ADNP2: variants seen among roughly 807,000 people sequenced by gnomAD.
The protein encoded by ADNP2 is activity-dependent neuroprotector homeobox protein 2.
In ADNP2, 8 loss-of-function variants were observed where a neutral mutation model predicts 16.4. The ratio of observed to expected loss-of-function variants is 0.49; its 90% CI spans 0.29 to 0.88. The LOEUF is 0.88. Ranked by LOEUF, ADNP2 falls within the 40% of genes least tolerant of loss-of-function variation. ADNP2 has a pLI of 0.09. For synonymous variants in ADNP2, 637 were observed against 545.8 expected, an observed-to-expected ratio of 1.17 and a Z score of -2.33; for missense variants, 1,397 against 1,395.1, an observed-to-expected ratio of 1.00 and a Z score of -0.02.
chr18:80,114,347 ATTTC>A (rs1386831924), intron 1 of ADNP2, among the ~76,000 whole-genome samples: 1 of 152,200 alleles, frequency 6.6e-6, no homozygotes, highest in Non-Finnish European at 1.5e-5. Flanking sequence ...TTTAAATGGC[ATTTC>A]TTTATTATTA....
chr18:80,124,458 G>A (rs1399057110), intron 2 of ADNP2, among the ~76,000 whole-genome samples: 1 of 152,188 alleles, frequency 6.6e-6, no homozygotes, highest in Admixed American at 6.5e-5. Flanking sequence ...GACAAAGAAA[G>A]GATGTTATAA....
At position 80,137,681 on chromosome 18, in the gene ADNP2, C is replaced by T; in HGVS notation, c.2268C>T (p.Val756=). Residue 756 remains valine, a synonymous_variant, in exon 4 of 4, where the codon GTC becomes GTT. Coordinates refer to ENST00000262198, the MANE Select transcript of ADNP2 (RefSeq NM_014913.4). The surrounding 1 kb of genome is among the most constrained non-coding windows in gnomAD (Gnocchi z 4.2). ...GATGTCTGTCTTGTAAGTGCTTGGT[C>T]TCTGAGGAAGAGCTTATACACCACT... ...TVRCLSCKCL[V]SEEELIHHLL... is the part of the protein sequence containing the mutation. The T allele has an allele frequency of 1.2e-6, 2 of 1,614,204 alleles. No individual in the cohort carries two copies. Among genetic ancestry groups the T allele is most frequent in the Middle Eastern group, 1.6e-4 (1 of 6,062 alleles).
In ADNP2 at chr18:80,138,442, A is replaced by T. The variant is rs1266782168; in HGVS notation, c.3029A>T (p.Lys1010Met). ...LNADAAPGPE[K>M]VTSVVPFKRQ... is the part of the protein sequence containing the mutation. ...GCCGATGCAGCCCCGGGTCCAGAAA[A>T]GGTGACGAGTGTTGTGCCTTTTAAA... The change falls in exon 4 of 4, where the codon AAG (lysine) becomes ATG (methionine). Residue 1010 changes from lysine (K) to methionine (M), a missense_variant. Physicochemically the swap from Lys to Met is moderately conservative, Grantham distance 95. Transcript: ENST00000262198. 6.2e-7 allele frequency: 1 copy of T among 1,613,946 alleles called. No individual in the cohort carries two copies. Among genetic ancestry groups the T allele is most frequent in the African/African-American group, 1.3e-5 (1 of 74,926 alleles).
chr18:80,116,747 C>T (rs2052392088), intron 1 of ADNP2, among the ~76,000 whole-genome samples: 2 of 152,148 alleles, frequency 1.3e-5, no homozygotes, highest in African/African-American at 2.4e-5. Flanking sequence ...GTGATCCCCT[C>T]ACCTCAGCCT....
Position 80,137,783 on chromosome 18 carries a change from G to A in ADNP2, c.2370G>A (p.Arg790=). Residue 790 remains arginine, a synonymous_variant, in exon 4 of 4, where the codon AGG becomes AGA. Transcript: ENST00000262198. The surrounding 1 kb of genome is among the most constrained non-coding windows in gnomAD (Gnocchi z 4.2). The part of the protein sequence containing the change: ...HDIKGLSEHS[R]NRHLGKKKLP... The stretch of plus-strand genomic sequence containing the variant: ...TCAAAGGTCTTTCAGAGCACAGCAG[G>A]AATAGGCACCTGGGGAAGAAGAAGT... The A allele has an allele frequency of 6.2e-7, 1 of 1,614,182 alleles. No individual in the cohort carries two copies. Among genetic ancestry groups the A allele is most frequent in the Non-Finnish European group, 8.5e-7 (1 of 1,180,036 alleles).
At chr18:80,121,303 G>A (rs1488322664) in intron 2 of ADNP2, among the ~76,000 whole-genome samples, 4 of 152,278 alleles carry the variant, frequency 2.6e-5, no homozygotes, top group African/African-American at 9.6e-5. Context: ...ATGAGTTTCA[G>A]CATCTTTTCA....
chr18:80,136,401 C>T lies in ADNP2; in HGVS notation c.988C>T (p.His330Tyr), dbSNP rs1252980059. The T allele has an allele frequency of 1.2e-6, 2 of 1,614,216 alleles. No homozygotes were observed. The highest frequency in any genetic ancestry group is 1.7e-6 in the Non-Finnish European group (2 of 1,180,028). Residue 330 changes from histidine to tyrosine, a missense_variant, in exon 4 of 4, where the codon CAC (histidine) becomes TAC (tyrosine). Physicochemically the swap from His to Tyr is moderately conservative, Grantham distance 83. Transcript: ENST00000262198. ...TTCCCCCCCTGCTGCTGGCCAATCC[C>T]ACATGACTCTGGTCTCCAGCCCTCT... The part of the protein sequence containing the change: ...THSPPAAGQS[H>Y]MTLVSSPLPV...
In ADNP2 at chr18:80,139,886, G is replaced by C. The variant is rs1026344519; in HGVS notation, c.*1077G>C. ...TAGTGGAGAAACGGGCTTTTCTCTA[G>C]CTGGTTTAGGCTGGAAGCTGTGTCC... On this transcript the variant is annotated 3_prime_UTR_variant, in exon 4 of 4. Coordinates refer to ENST00000262198, the MANE Select transcript of ADNP2 (RefSeq NM_014913.4). 5.9e-5 allele frequency: 9 copies of C among 152,202 alleles called. No individual in the cohort carries two copies. The highest frequency in any genetic ancestry group is 1.9e-4 in the African/African-American group (8 of 41,442). The allele number at this position is 152,202 out of a possible 1,614,324, so 9.4% of individuals were successfully genotyped here.
intron 2 of ADNP2, among the ~76,000 whole-genome samples, chr18:80,127,842 G>A (rs376280181): frequency 1.1e-4 from 16 of 152,118 alleles, no homozygotes; most frequent in Admixed American, 3.9e-4. Context: ...CCCCTCTCCC[G>A]GTGGACTCTG....
intron 2 of ADNP2, among the ~76,000 whole-genome samples, chr18:80,118,434 A>G (rs1054842457): frequency 2.0e-4 from 30 of 151,588 alleles, no homozygotes; most frequent in Non-Finnish European, 4.1e-4. Flanking sequence ...TCTGTCTCAA[A>G]AAAAAAAAAA....
intron 3 of ADNP2, among the ~76,000 whole-genome samples, chr18:80,134,250 T>C (rs2052516731): frequency 6.6e-6 from 1 of 152,086 alleles, no homozygotes; most frequent in East Asian, 1.9e-4. Flanking sequence ...CTCCAGTTAC[T>C]CAGGAGGCTG....
At position 80,137,502 on chromosome 18, in the gene ADNP2, C is replaced by T; in HGVS notation, c.2089C>T (p.Pro697Ser). The change falls in exon 4 of 4, where the codon CCT (proline) becomes TCT (serine). Residue 697 changes from proline (P) to serine (S), a missense_variant. Physicochemically the swap from Pro to Ser is moderately conservative, Grantham distance 74. This residue lies in a region of ADNP2 where 611 missense variants were observed against 648.7 expected (regional missense o/e 0.94). Coordinates refer to ENST00000262198, the MANE Select transcript of ADNP2 (RefSeq NM_014913.4). The surrounding 1 kb of genome is among the most constrained non-coding windows in gnomAD (Gnocchi z 4.2). ...ACAGGCCAAGCAGTGGAAGACCTGC[C>T]CTGTCTGCAACGAGCTCTTTCCGTC... ...LKQAKQWKTC[P>S]VCNELFPSNV... The T allele has an allele frequency of 1.2e-6, 2 of 1,614,228 alleles. No homozygotes were observed. Among genetic ancestry groups the T allele is most frequent in the Non-Finnish European group, 1.7e-6 (2 of 1,180,052 alleles).
At position 80,118,805 on chromosome 18, in the gene ADNP2, T is replaced by C. The variant is rs1225178381; in HGVS notation, c.108+1155T>C. On this transcript the variant is annotated intron_variant, in intron 2 of 3. Transcript: ENST00000262198. ...TTACTTTTTTTTCCCAAGACTTTAC[T>C]GATGCAGAGATACGGTACTTCACAA... Among the ~76,000 whole-genome samples, 26 of 152,216 alleles carry C rather than the reference T, an allele frequency of 1.7e-4. 1 individual carries two copies.
At chr18:80,120,059 G>T (rs530850356) in intron 2 of ADNP2, among the ~76,000 whole-genome samples, 11 of 152,312 alleles carry the variant, frequency 7.2e-5, no homozygotes, top group African/African-American at 2.6e-4. Flanking sequence ...GAGGCCAAGT[G>T]GGCTTTGGGG....
At chr18:80,129,150 C>T (rs1024078768) in intron 2 of ADNP2, among the ~76,000 whole-genome samples, 3 of 140,598 alleles carry the variant, frequency 2.1e-5, no homozygotes, top group African/African-American at 8.1e-5. Flanking sequence ...GTCTTCCAGG[C>T]TGCAGTGCAG....
At chr18:80,123,588 C>G (rs1009493026) in intron 2 of ADNP2, among the ~76,000 whole-genome samples, 7 of 151,982 alleles carry the variant, frequency 4.6e-5, no homozygotes, top group Non-Finnish European at 8.8e-5. Flanking sequence ...AGGCTGGTCT[C>G]GAACTCCCGA....
chr18:80,135,363 G>A (rs1324507980), intron 3 of ADNP2, among the ~76,000 whole-genome samples: 1 of 152,134 alleles, frequency 6.6e-6, no homozygotes, highest in Non-Finnish European at 1.5e-5. Context: ...ATTATTTTGG[G>A]GACTTTTGTA....
At position 80,135,597 on chromosome 18, in the gene ADNP2, C is replaced by A; in HGVS notation, c.199-15C>A. ...TTTATTCAATTATGCTTAAGGCTTT[C>A]TTTTCTTTTAACAGAGATATCGAAC... On this transcript the variant is annotated splice_polypyrimidine_tract_variant and intron_variant, in intron 3 of 3. Transcript: ENST00000262198. 1 of 1,598,238 alleles carries A rather than the reference C, an allele frequency of 6.3e-7. No individual in the cohort carries two copies. The highest frequency in any genetic ancestry group is 8.5e-7 in the Non-Finnish European group (1 of 1,171,190).
At position 80,135,800 on chromosome 18, in the gene ADNP2, A is replaced by G. The variant is rs1064059; in HGVS notation, c.387A>G (p.Ala129=). 323,453 of 1,613,932 alleles carry G rather than the reference A, an allele frequency of 0.2. 34,323 individuals carry two copies. The highest frequency in any genetic ancestry group is 0.26 in the Middle Eastern group (1,569 of 6,062). ...GAAGGCACTTCAGAATGTTCCATGC[A>G]CCTGTCCGGAAAGTCCAGAACTACA... ...VVGRHFRMFH[A]PVRKVQNYTV... The change falls in exon 4 of 4, where the codon GCA becomes GCG. Residue 129 remains alanine, a synonymous_variant. Transcript: ENST00000262198.
Sources: allele counts gnomAD v4.1 joint callset (sites outside exome capture counted in the v4.1 genomes callset), GRCh38; gene constraint gnomAD v4.1.1; regional missense constraint gnomAD v4.1.1; non-coding constraint Gnocchi (gnomAD v3.1); transcripts MANE v1.5; gene names NCBI Gene and HGNC (gene_info 2026-07-23, HGNC 2026-07-21).